The following VPS54 variants were observed in gnomAD, a reference collection of about 807,000 sequenced individuals.
VPS54 encodes the protein vacuolar protein sorting-associated protein 54.
A neutral mutation model predicts 121.5 loss-of-function variants in VPS54; 45 were observed. The ratio of observed to expected loss-of-function variants is 0.37; its 90% CI spans 0.29 to 0.47. The LOEUF (loss-of-function observed/expected upper bound fraction) is 0.47. Ranked by LOEUF, VPS54 falls within the 20% of genes least tolerant of loss-of-function variation. The probability of loss-of-function intolerance (pLI) is 0.99; values close to 1 mark genes in which losing one functional copy is unlikely to be tolerated. For synonymous variants in VPS54, 371 were observed against 385.8 expected (o/e 0.96, Z 0.45); for missense variants, 1,090 against 1,131.4 (o/e 0.96, Z 0.52).
intron 3 of VPS54, among the ~76,000 whole-genome samples, chr2:63,976,361 A>C (rs908578254): frequency 2.3e-4 from 34 of 150,884 alleles, no homozygotes; most frequent in Non-Finnish European, 4.4e-5. Flanking sequence ...AAAAAAAAAA[A>C]AAACAAAAAA....
intron 1 of VPS54, among the ~76,000 whole-genome samples, chr2:63,996,067 G>T (rs1489616279): frequency 6.6e-6 from 1 of 152,086 alleles, no homozygotes; most frequent in Non-Finnish European, 1.5e-5. Context: ...AAAGAATCCT[G>T]CGTCAAAATC....
At chr2:63,959,723 C>G (rs1476215660) in intron 7 of VPS54, among the ~76,000 whole-genome samples, 1 of 151,880 alleles carries the variant, frequency 6.6e-6, no homozygotes. Context: ...TCCGTTTCTA[C>G]TAAAAATAAA....
intron 11 of VPS54, 76 bp from the exon 12 acceptor site, chr2:63,934,089 C>T (rs2104486798): frequency 3.0e-6 from 4 of 1,326,990 alleles, no homozygotes; most frequent in Middle Eastern, 2.7e-4. Flanking sequence ...GAATTCTGTG[C>T]ATGTAATTTT....
Position 63,933,733 on chromosome 2 carries a change from T to G in VPS54, c.1679A>C (p.Asp560Ala). The stretch of plus-strand genomic sequence containing the variant: ...TGTGTGCTCTTTGCTGGATGAAGAA[T>G]CAGTAGTACATTCTGGCTCGGATAC... ...DSVSEPECTTDSSSSKEHTSS... is the reference protein window; with the variant it reads ...DSVSEPECTTASSSSKEHTSS... Residue 560 changes from aspartate to alanine, a missense_variant, in exon 12 of 23, where the codon GAT becomes GCT. Physicochemically the swap from Asp to Ala is moderately radical, Grantham distance 126. Around this residue, in one of 2 missense-constraint regions of VPS54, gnomAD observed 801 missense variants for 757.0 expected, o/e 1.06. Coordinates refer to ENST00000272322, the MANE Select transcript of VPS54 (RefSeq NM_016516.3). The G allele has an allele frequency of 6.2e-7, 1 of 1,613,840 alleles. No individual in the cohort carries two copies. The highest frequency in any genetic ancestry group is 8.5e-7 in the Non-Finnish European group (1 of 1,179,810).
At chr2:64,009,708 C>A (rs1678338406) in intron 1 of VPS54, among the ~76,000 whole-genome samples, 1 of 152,122 alleles carries the variant, frequency 6.6e-6, no homozygotes, top group African/African-American at 2.4e-5. Context: ...TTTGGCGCAT[C>A]ATTTTAGCAC....
rs1307471564 is a variant in VPS54 at position 63,962,335 on chromosome 2, G to A, written c.733C>T (p.Leu245Phe). The A allele has an allele frequency of 6.2e-7, 1 of 1,613,800 alleles. No homozygotes were observed. The highest frequency in any genetic ancestry group is 1.3e-5 in the African/African-American group (1 of 74,872). ...TTTACAGCCTGGGAAGTTTTCCTGA[G>A]GTAGTCCTGCAACTCGTGTTGAGAG... ...MTSQHELQDYLRKTSQAVKML... is the reference protein window; with the variant it reads ...MTSQHELQDYFRKTSQAVKML... The change falls in exon 7 of 23, where the codon CTC (leucine) becomes TTC (phenylalanine). Residue 245 changes from leucine to phenylalanine, a missense_variant. Coordinates refer to ENST00000272322, the MANE Select transcript of VPS54 (RefSeq NM_016516.3).
In VPS54 at chr2:63,965,195, G is replaced by T. The variant is rs548918619; in HGVS notation, c.624+640C>A. ...ATTCTTATAAAATTAGCCAATGTGG[G>T]GCTGGGCATGGTGGCTCACATCCGT... On this transcript the variant is annotated intron_variant, in intron 6 of 22. Coordinates refer to ENST00000272322, the MANE Select transcript of VPS54 (RefSeq NM_016516.3). Among the ~76,000 whole-genome samples, 7 of 152,238 alleles carry T rather than the reference G, an allele frequency of 4.6e-5. No homozygotes were observed. The South Asian group carries it at 1.5e-3, about 32-fold the overall frequency.
At chr2:64,015,008 C>T (rs1310262917) in intron 1 of VPS54, among the ~76,000 whole-genome samples, 9 of 151,658 alleles carry the variant, frequency 5.9e-5, no homozygotes, top group Admixed American at 3.3e-4. Context: ...ACATTCACAA[C>T]ATACATACAT....
At chr2:63,953,970 C>CT (rs1675377710) in intron 7 of VPS54, among the ~76,000 whole-genome samples, 1 of 152,068 alleles carries the variant, frequency 6.6e-6, no homozygotes, top group South Asian at 2.1e-4. Flanking sequence ...CAATATAGGA[C>CT]TTTTTCCTCT....
intron 1 of VPS54, among the ~76,000 whole-genome samples, chr2:63,998,589 T>C (rs1677719884): frequency 6.6e-6 from 1 of 152,150 alleles, no homozygotes; most frequent in African/African-American, 2.4e-5. Context: ...GATTTGAGGT[T>C]ACCATGAGGC....
intron 7 of VPS54, 116 bp from the exon 8 acceptor site, chr2:63,949,279 G>T: frequency 2.0e-6 from 2 of 996,978 alleles, no homozygotes; most frequent in Non-Finnish European, 2.8e-6. Flanking sequence ...GTGCAATAAT[G>T]CAATGTTTTC....
At chr2:63,923,208 T>G (rs1673728495) in intron 12 of VPS54, among the ~76,000 whole-genome samples, 1 of 151,472 alleles carries the variant, frequency 6.6e-6, no homozygotes, top group Non-Finnish European at 1.5e-5. Flanking sequence ...CCCAGCTACT[T>G]GGGAGGCTGA....
intron 3 of VPS54, chr2:63,975,067 A>G (rs1255611939): frequency 1.3e-6 from 2 of 1,541,718 alleles, no homozygotes; most frequent in Non-Finnish European, 1.8e-6. Flanking sequence ...CTTTTTTGAG[A>G]CAGAGTCTCA....
rs766365876 is a variant in VPS54 at position 63,947,402 on chromosome 2, G to A, written c.1226C>T (p.Ala409Val). 1.9e-6 allele frequency: 3 copies of A among 1,558,548 alleles called. No individual in the cohort carries two copies. The highest frequency in any genetic ancestry group is 1.7e-6 in the Non-Finnish European group (2 of 1,143,420). Residue 409 changes from alanine (A) to valine (V), a missense_variant, in exon 9 of 23, where the codon GCA becomes GTA. This residue lies in a region of VPS54 where 801 missense variants were observed against 757.0 expected (regional missense o/e 1.06). Coordinates refer to ENST00000272322, the MANE Select transcript of VPS54 (RefSeq NM_016516.3). Reference sequence around the variant, plus strand: ...AATTACCTGTTTAATGATATTCTTTGCTGTAATAACCATTTTTTCACCATA... The same window carrying A: ...AATTACCTGTTTAATGATATTCTTTACTGTAATAACCATTTTTTCACCATA... ...EIYGEKMVIT[A>V]KNIIKQCVIN... is the part of the protein sequence containing the mutation.
At chr2:63,908,053 A>G (rs796147603) in intron 20 of VPS54, among the ~76,000 whole-genome samples, 1 of 152,318 alleles carries the variant, frequency 6.6e-6, no homozygotes, top group African/African-American at 2.4e-5. Context: ...ACAATTGCCA[A>G]TCTTATTCCA....
chr2:63,940,105 A>C (rs1453582403), intron 11 of VPS54, among the ~76,000 whole-genome samples: 1 of 152,092 alleles, frequency 6.6e-6, no homozygotes, highest in East Asian at 1.9e-4. Context: ...ATTTTCTCCT[A>C]CCATTAAAAA....
chr2:64,003,036 T>A (rs1374231533), intron 1 of VPS54, among the ~76,000 whole-genome samples: 1 of 152,188 alleles, frequency 6.6e-6, no homozygotes, highest in Admixed American at 6.5e-5. Flanking sequence ...CAAATGTACA[T>A]GGCATCTGAA....
chr2:63,987,411 G>A (rs183169670), intron 1 of VPS54, among the ~76,000 whole-genome samples: 268 of 152,236 alleles, frequency 1.8e-3, no homozygotes, highest in Non-Finnish European at 3.1e-3. Flanking sequence ...ACTGTTCTAT[G>A]TGTCTGGTTA....
intron 14 of VPS54, 118 bp from the exon 15 acceptor site, chr2:63,920,113 A>C (rs948571778): frequency 1.3e-6 from 1 of 752,654 alleles, no homozygotes; most frequent in Non-Finnish European, 2.1e-6. Flanking sequence ...AGTGCTGAAC[A>C]CTTTAATAAG....
Sources: allele counts gnomAD v4.1 joint callset (sites outside exome capture counted in the v4.1 genomes callset), GRCh38; gene constraint gnomAD v4.1.1; regional missense constraint gnomAD v4.1.1; transcripts MANE v1.5; gene names NCBI Gene and HGNC (gene_info 2026-07-23, HGNC 2026-07-21).